The following ZNF148 variants were observed in gnomAD, a reference collection of about 807,000 sequenced individuals.
ZNF148 encodes the protein Beta-Enolase Repressor Factor-1.
ZNF148 carries 7 observed loss-of-function variants against 67.7 expected under a neutral mutation model. The ratio of observed to expected loss-of-function variants is 0.10; its 90% CI spans 0.06 to 0.19. The LOEUF is 0.19. ZNF148 is among the 10% of genes least tolerant of loss of function. The pLI, the probability that ZNF148 is intolerant of heterozygous loss-of-function variation, is 1.00. For synonymous variants in ZNF148, 333 were observed against 330.7 expected (o/e 1.01, Z -0.08); for missense variants, 583 against 947.1 (o/e 0.62, Z 5.05).
At chr3:125,292,609 A>C (rs1405333305) in intron 4 of ZNF148, 1 of 152,184 alleles carries the variant, frequency 6.6e-6, no homozygotes, top group Non-Finnish European at 1.5e-5. Flanking sequence ...GTATTTTGTA[A>C]CAGTTTCAGT....
At chr3:125,333,003 A>G (rs1941350209) in intron 1 of ZNF148, among the ~76,000 whole-genome samples, 1 of 152,158 alleles carries the variant, frequency 6.6e-6, no homozygotes, top group African/African-American at 2.4e-5. Flanking sequence ...ATAGACAGGG[A>G]AAAAAATGTC....
chr3:125,306,986 C>T (rs942201821), intron 4 of ZNF148, among the ~76,000 whole-genome samples: 1 of 150,424 alleles, frequency 6.6e-6, no homozygotes, highest in South Asian at 2.1e-4. Context: ...TTTCAGAAAA[C>T]AGAGAAGGAA....
chr3:125,277,897 G>A, intron 6 of ZNF148, 88 bp from the exon 7 acceptor site: 2 of 1,102,614 alleles, frequency 1.8e-6, no homozygotes, highest in African/African-American at 1.6e-5. Context: ...AATCTTAGAT[G>A]CCCAAATTTT....
chr3:125,353,958 A>G (rs1485489037), intron 1 of ZNF148, among the ~76,000 whole-genome samples: 1 of 152,142 alleles, frequency 6.6e-6, no homozygotes, highest in Non-Finnish European at 1.5e-5. Context: ...GTGGAGGTAC[A>G]GATGACATAA....
intron 2 of ZNF148, among the ~76,000 whole-genome samples, chr3:125,323,913 T>C (rs1940900705): frequency 1.3e-5 from 2 of 150,586 alleles, no homozygotes; most frequent in South Asian, 2.1e-4. Flanking sequence ...GAGCCAAGAT[T>C]GCGCCACTGC....
intron 7 of ZNF148, among the ~76,000 whole-genome samples, chr3:125,263,636 CG>C (rs1560123931): frequency 6.6e-6 from 1 of 151,930 alleles, no homozygotes; most frequent in Admixed American, 6.6e-5. Flanking sequence ...CCTGAGTGAT[CG>C]GGGTGATAAA....
chr3:125,357,122 C>T (rs555594291), intron 1 of ZNF148: 1 of 152,360 alleles, frequency 6.6e-6, no homozygotes, highest in Non-Finnish European at 1.5e-5. Context: ...TGCGGAGAAG[C>T]CACTCACAAA....
chr3:125,348,024 G>A lies in ZNF148; in HGVS notation c.-233-16786C>T, dbSNP rs113496962. On this transcript the variant is annotated intron_variant, in intron 1 of 8. Transcript: ENST00000360647. Reference sequence around the variant, plus strand: ...GCTCATGCCTGTTATCCCAGCAAACGCAGGTGGATCATTTGAGCCCAGGAG... The same window carrying A: ...GCTCATGCCTGTTATCCCAGCAAACACAGGTGGATCATTTGAGCCCAGGAG... 3.6e-3 allele frequency among the ~76,000 whole-genome samples: 549 copies of A among 152,180 alleles called. 6 individuals carry two copies. The highest frequency in any genetic ancestry group is 0.012 in the African/African-American group (516 of 41,518).
chr3:125,337,504 CA>C (rs1366505500), intron 1 of ZNF148, among the ~76,000 whole-genome samples: 1 of 152,094 alleles, frequency 6.6e-6, no homozygotes, highest in Non-Finnish European at 1.5e-5. Context: ...TTAATTCTTA[CA>C]TAAGTTTTTA....
chr3:125,342,112 T>A (rs1941751012), intron 1 of ZNF148, among the ~76,000 whole-genome samples: 1 of 124,286 alleles, frequency 8.0e-6, no homozygotes, highest in Non-Finnish European at 1.6e-5. Flanking sequence ...GTAGTAGCTT[T>A]AGGGAACTAC....
chr3:125,338,278 T>C (rs1026100068), intron 1 of ZNF148, among the ~76,000 whole-genome samples: 4 of 152,098 alleles, frequency 2.6e-5, no homozygotes, highest in African/African-American at 9.7e-5. Context: ...GTAACACCAA[T>C]AGACATAAAT....
At chr3:125,279,059 C>A in intron 6 of ZNF148, 65 bp downstream of exon 6, 4 of 1,468,216 alleles carry the variant, frequency 2.7e-6, no homozygotes, top group Middle Eastern at 1.8e-4. Flanking sequence ...GACAGTTACA[C>A]GAAGATGAAA....
chr3:125,308,637 C>T (rs1940030328), intron 4 of ZNF148, among the ~76,000 whole-genome samples: 1 of 150,766 alleles, frequency 6.6e-6, no homozygotes, highest in African/African-American at 2.4e-5. Flanking sequence ...AATTGGAGGA[C>T]ATACACAATT....
At chr3:125,271,764 T>C (rs1937750758) in intron 7 of ZNF148, among the ~76,000 whole-genome samples, 1 of 152,214 alleles carries the variant, frequency 6.6e-6, no homozygotes, top group Non-Finnish European at 1.5e-5. Flanking sequence ...AGGTCTATGA[T>C]AATCATGAAT....
At chr3:125,306,274 A>G (rs1241265242) in intron 4 of ZNF148, among the ~76,000 whole-genome samples, 1 of 152,164 alleles carries the variant, frequency 6.6e-6, no homozygotes, top group African/African-American at 2.4e-5. Flanking sequence ...AATGAAAACC[A>G]AAGTAGTAGA....
Position 125,279,249 on chromosome 3 carries a change from T to G in ZNF148, c.460-2A>C. On this transcript the variant is annotated splice_acceptor_variant, in intron 5 of 8. Transcript: ENST00000360647. LOFTEE classifies it high-confidence loss of function. ...TCCATCCTCATTTATTGTAAGGATC[T>G]AGTTCAAAAAAAAAAAGGCAAAAAC... is the stretch of plus-strand genomic sequence containing the variant. 6.9e-7 allele frequency: 1 copy of G among 1,440,802 alleles called. No individual in the cohort carries two copies. The highest frequency in any genetic ancestry group is 9.1e-7 in the Non-Finnish European group (1 of 1,102,370). The allele number at this position is 1,440,802 out of a possible 1,614,324, so 89.3% of individuals were successfully genotyped here.
At chr3:125,269,614 C>A (rs1937629343) in intron 7 of ZNF148, among the ~76,000 whole-genome samples, 1 of 152,042 alleles carries the variant, frequency 6.6e-6, no homozygotes, top group Non-Finnish European at 1.5e-5. Context: ...TGGGTACATA[C>A]CCAAAGGAAA....
At chr3:125,329,273 T>C (rs1002671285) in intron 2 of ZNF148, among the ~76,000 whole-genome samples, 3 of 147,484 alleles carry the variant, frequency 2.0e-5, no homozygotes, top group Admixed American at 6.8e-5. Context: ...TATGAATGTA[T>C]ATTTATATGT....
intron 1 of ZNF148, among the ~76,000 whole-genome samples, chr3:125,343,604 G>A (rs1941823884): frequency 6.6e-6 from 1 of 152,074 alleles, no homozygotes; most frequent in Non-Finnish European, 1.5e-5. Flanking sequence ...GCAGCCAATT[G>A]CAGGGAGGAT....
Sources: gnomAD v4.1 joint callset for allele counts (sites outside exome capture counted in the v4.1 genomes callset) on GRCh38, gnomAD v4.1.1 for gene constraint, MANE v1.5 for transcripts, NCBI Gene and HGNC (gene_info 2026-07-23, HGNC 2026-07-21) for gene names.